COL23A1: variants seen among roughly 807,000 people sequenced by gnomAD.
COL23A1 encodes the protein collagen type XXIII alpha 1 chain, also known as collagen alpha-1(XXIII) chain.
In COL23A1, 97 loss-of-function variants were observed where a neutral mutation model predicts 99.3. That is an observed-to-expected ratio of 0.98 (90% confidence interval 0.83 to 1.16). The LOEUF (loss-of-function observed/expected upper bound fraction) is 1.16. COL23A1 is among the 50% of genes most tolerant of loss of function. COL23A1 has a pLI of 0.00. For missense variants in COL23A1, 762 were observed against 757.4 expected, an observed-to-expected ratio of 1.01 and a Z score of -0.07; for synonymous variants, 320 against 308.2, an observed-to-expected ratio of 1.04 and a Z score of -0.40.
intron 1 of COL23A1, among the ~76,000 whole-genome samples, chr5:178,582,688 C>T (rs1039671792): frequency 3.9e-5 from 6 of 152,146 alleles, no homozygotes; most frequent in East Asian, 1.9e-4. Flanking sequence ...TTCCAGACTC[C>T]GCCCTCCAAA....
At chr5:178,422,958 A>G (rs1169437796) in intron 2 of COL23A1, among the ~76,000 whole-genome samples, 1 of 151,940 alleles carries the variant, frequency 6.6e-6, no homozygotes. Context: ...TGAATTTTGA[A>G]GTTTATTTAT....
chr5:178,335,651 G>A (rs2973674), intron 2 of COL23A1, among the ~76,000 whole-genome samples: 76,346 of 152,046 alleles, frequency 0.5, 19,981 homozygotes, highest in East Asian at 0.81. Context: ...ATCTCCCTAT[G>A]AAGAGGAGAG....
intron 2 of COL23A1, among the ~76,000 whole-genome samples, chr5:178,397,579 A>T (rs1452219531): frequency 1.3e-5 from 2 of 152,228 alleles, no homozygotes; most frequent in African/African-American, 4.8e-5. Context: ...TTGGTTAGAC[A>T]GCGCCTGGAT....
chr5:178,415,747 G>A lies in COL23A1; in HGVS notation c.362-108828C>T, dbSNP rs1027757540. 4.6e-5 allele frequency among the ~76,000 whole-genome samples: 7 copies of A among 152,324 alleles called. No homozygotes were observed. Among genetic ancestry groups the A allele is most frequent in the Admixed American group, 2.0e-4 (3 of 15,306 alleles). ...CAAGGGGATGCAGAAGAGTGAGCACGAGGTTCTTGCCCACAGAGAGCTCCC... is the reference window on the plus strand; with the variant it reads ...CAAGGGGATGCAGAAGAGTGAGCACAAGGTTCTTGCCCACAGAGAGCTCCC... On this transcript the variant is annotated intron_variant, in intron 2 of 28. Coordinates refer to ENST00000390654, the MANE Select transcript of COL23A1 (RefSeq NM_173465.4). The surrounding 1 kb of genome is among the most constrained non-coding windows in gnomAD (Gnocchi z 4.6).
chr5:178,536,192 C>T (rs555807958), intron 2 of COL23A1, among the ~76,000 whole-genome samples: 18 of 152,376 alleles, frequency 1.2e-4, no homozygotes, highest in East Asian at 1.2e-3. Flanking sequence ...TCGTCACCCT[C>T]GGCTGGGGAC....
intron 6 of COL23A1, among the ~76,000 whole-genome samples, chr5:178,269,314 T>TCCAG (rs1341651050): frequency 6.8e-6 from 1 of 147,972 alleles, no homozygotes; most frequent in East Asian, 2.0e-4. Flanking sequence ...CATCCATCCA[T>TCCAG]CCATCCATCC....
chr5:178,269,513 A>C (rs1581492958), intron 6 of COL23A1, among the ~76,000 whole-genome samples: 1 of 94,264 alleles, frequency 1.1e-5, no homozygotes, highest in Non-Finnish European at 2.0e-5. Context: ...CCACCCATCC[A>C]CCCACCCATC....
At position 178,309,369 on chromosome 5, in the gene COL23A1, T is replaced by C. The variant is rs1758541379; in HGVS notation, c.362-2450A>G. 6.6e-6 allele frequency among the ~76,000 whole-genome samples: 1 copy of C among 151,576 alleles called. No homozygotes were observed. Among genetic ancestry groups the C allele is most frequent in the South Asian group, 2.1e-4 (1 of 4,802 alleles). On this transcript the variant is annotated intron_variant, in intron 2 of 28. Transcript: ENST00000390654. The surrounding 1 kb of genome is among the most constrained non-coding windows in gnomAD (Gnocchi z 4.7). ...GGCCTGGAGCTGGGCAGGACTGGGG[T>C]GTTGCTGAGCATACAGGGCCTGTGA... is the stretch of plus-strand genomic sequence containing the variant.
chr5:178,375,731 G>A (rs1763037524), intron 2 of COL23A1, among the ~76,000 whole-genome samples: 1 of 151,886 alleles, frequency 6.6e-6, no homozygotes, highest in East Asian at 1.9e-4. Flanking sequence ...TTTTTGAGAC[G>A]GAGTCTGCCT....
At chr5:178,286,498 C>T (rs1333821760) in intron 5 of COL23A1, among the ~76,000 whole-genome samples, 3 of 152,242 alleles carry the variant, frequency 2.0e-5, no homozygotes, top group Non-Finnish European at 4.4e-5. Flanking sequence ...CCCGACAGTC[C>T]TGTCATGGCC....
chr5:178,428,369 G>T lies in COL23A1; in HGVS notation c.362-121450C>A, dbSNP rs561308790. On this transcript the variant is annotated intron_variant, in intron 2 of 28. Coordinates refer to ENST00000390654, the MANE Select transcript of COL23A1 (RefSeq NM_173465.4). This position sits in a 1 kb window ranked among gnomAD's most constrained non-coding sequence, Gnocchi z 5.0. ...GGACCATGGAGCCAGCTCTTTGCAC[G>T]AGGAGGAGCCTTCCTGGATCAAAAC... Among the ~76,000 whole-genome samples, 85 of 152,334 alleles carry T rather than the reference G, an allele frequency of 5.6e-4. 1 individual carries two copies. The South Asian group carries it at 8.5e-3, about 15-fold the overall frequency.
At chr5:178,253,806 C>G (rs768747041) in intron 16 of COL23A1, among the ~76,000 whole-genome samples, 1 of 152,042 alleles carries the variant, frequency 6.6e-6, no homozygotes, top group Non-Finnish European at 1.5e-5. Context: ...TAACATCATG[C>G]CCTGCATGGA....
chr5:178,491,892 G>A (rs1388394761), intron 2 of COL23A1, among the ~76,000 whole-genome samples: 7 of 152,042 alleles, frequency 4.6e-5, no homozygotes, highest in East Asian at 3.9e-4. Context: ...CTGCCACCAC[G>A]TCCAGCTCAT....
chr5:178,463,743 G>A lies in COL23A1; in HGVS notation c.361+96939C>T, dbSNP rs75924909. On this transcript the variant is annotated intron_variant, in intron 2 of 28. Coordinates refer to ENST00000390654, the MANE Select transcript of COL23A1 (RefSeq NM_173465.4). ...CCCTGCCGCGGTGTAAACACAGGGG[G>A]TCTGGATGGGAACGGACGTTTTGTT... Among the ~76,000 whole-genome samples the A allele has an allele frequency of 6.1e-3, 924 of 152,350 alleles. 12 individuals are homozygous for A. Among genetic ancestry groups the A allele is most frequent in the African/African-American group, 0.021 (886 of 41,580 alleles).
chr5:178,357,885 GTGT>G (rs1156544499), intron 2 of COL23A1, among the ~76,000 whole-genome samples: 2 of 103,578 alleles, frequency 1.9e-5, no homozygotes, highest in African/African-American at 6.0e-5. Flanking sequence ...GCATGTGTAC[GTGT>G]GTGTGTATGT....
In COL23A1 at chr5:178,263,240, T is replaced by A. The variant is rs368063591; in HGVS notation, c.607A>T (p.Lys203Ter). 2 of 1,613,590 alleles carry A rather than the reference T, an allele frequency of 1.2e-6. No individual in the cohort carries two copies. The highest frequency in any genetic ancestry group is 8.5e-7 in the Non-Finnish European group (1 of 1,179,878). ...GARGPPGDTG[K>*]DGPRGAQGPA... ...CCTTGTGCTCCCCTGGGGCCATCTT[T>A]CCCAGTGTCGCCAGGAGGGCCCCGG... Residue 203 changes from lysine to a stop codon, truncating the protein, a stop_gained, in exon 9 of 29, where the codon AAA becomes TAA. Coordinates refer to ENST00000390654, the MANE Select transcript of COL23A1 (RefSeq NM_173465.4). LOFTEE classifies it high-confidence loss of function.
At chr5:178,552,662 C>T (rs1180888780) in intron 2 of COL23A1, among the ~76,000 whole-genome samples, 3 of 150,272 alleles carry the variant, frequency 2.0e-5, no homozygotes, top group African/African-American at 7.4e-5. Flanking sequence ...GAGTTCGAGA[C>T]CTGCCTGGGC....
At chr5:178,476,503 T>C (rs1757034988) in intron 2 of COL23A1, among the ~76,000 whole-genome samples, 1 of 152,242 alleles carries the variant, frequency 6.6e-6, no homozygotes, top group Admixed American at 6.5e-5. Flanking sequence ...ATCTATATAA[T>C]GTAACATAAT....
intron 3 of COL23A1, among the ~76,000 whole-genome samples, chr5:178,296,065 C>T (rs1581100701): frequency 1.3e-5 from 2 of 152,212 alleles, no homozygotes; most frequent in African/African-American, 2.4e-5. Flanking sequence ...GAGTCAAAAG[C>T]GTCAACACAC....
Sources: allele counts gnomAD v4.1 joint callset (sites outside exome capture counted in the v4.1 genomes callset), GRCh38; gene constraint gnomAD v4.1.1; non-coding constraint Gnocchi (gnomAD v3.1); transcripts MANE v1.5; gene names NCBI Gene and HGNC (gene_info 2026-07-23, HGNC 2026-07-21).